Variants in PRKN observed in about 807,000 individuals in gnomAD.
PRKN encodes the protein parkin RBR E3 ubiquitin protein ligase, also known as E3 ubiquitin-protein ligase parkin.
A neutral mutation model predicts 59.5 loss-of-function variants in PRKN; 56 were observed. The observed-to-expected ratio is 0.94, with a 90% CI of 0.76 to 1.18. PRKN has a LOEUF of 1.18. PRKN is among the 50% of genes most tolerant of loss of function. PRKN has a pLI of 0.00. For missense variants in PRKN, 657 were observed against 596.4 expected (o/e 1.10, Z -1.06); for synonymous variants, 250 against 222.1 (o/e 1.13, Z -1.12).
At chr6:162,594,007 T>C (rs1339267359) in intron 1 of PRKN, among the ~76,000 whole-genome samples, 1 of 151,988 alleles carries the variant, frequency 6.6e-6, no homozygotes, top group Non-Finnish European at 1.5e-5. Flanking sequence ...AAAATTAGCC[T>C]AGCGTGGTGG....
chr6:162,413,364 T>A (rs1257975155), intron 2 of PRKN, among the ~76,000 whole-genome samples: 3 of 152,188 alleles, frequency 2.0e-5, no homozygotes, highest in Non-Finnish European at 2.9e-5. Context: ...TCTACATATT[T>A]GCGTTGTGTA....
At chr6:162,290,455 T>C (rs922450673) in intron 2 of PRKN, among the ~76,000 whole-genome samples, 1 of 152,310 alleles carries the variant, frequency 6.6e-6, no homozygotes, top group African/African-American at 2.4e-5. Flanking sequence ...TTCTTTGATT[T>C]AAAACATCAT....
intron 1 of PRKN, among the ~76,000 whole-genome samples, chr6:162,545,022 C>T (rs1450826118): frequency 6.6e-6 from 1 of 150,542 alleles, no homozygotes; most frequent in Non-Finnish European, 1.5e-5. Context: ...CATGGTGGCT[C>T]ACACCTGTAA....
chr6:162,611,930 A>G (rs1562434534), intron 1 of PRKN, among the ~76,000 whole-genome samples: 1 of 152,138 alleles, frequency 6.6e-6, no homozygotes, highest in Non-Finnish European at 1.5e-5. Flanking sequence ...TCACGCCTGT[A>G]ATCCCAGCAC....
rs1778689294 is a variant in PRKN at position 161,518,240 on chromosome 6, C to T, written c.1083+30614G>A. ...TGCATGAGAGGGGGACTGCCCCCAC[C>T]CTGCATATCTGCTGGCGCTGAAATT... On this transcript the variant is annotated intron_variant, in intron 9 of 11. Transcript: ENST00000366898. This position sits in a 1 kb window ranked among gnomAD's most constrained non-coding sequence, Gnocchi z 5.0. Among the ~76,000 whole-genome samples, 2 of 152,236 alleles carry T rather than the reference C, an allele frequency of 1.3e-5. No individual in the cohort carries two copies. Among genetic ancestry groups the T allele is most frequent in the Admixed American group, 6.5e-5 (1 of 15,286 alleles).
chr6:161,394,500 C>T (rs1414727150), intron 9 of PRKN, among the ~76,000 whole-genome samples: 1 of 152,186 alleles, frequency 6.6e-6, no homozygotes, highest in African/African-American at 2.4e-5. Flanking sequence ...TTGAACAGGT[C>T]CTTACTTTCT....
chr6:161,589,238 G>T (rs1276429606), intron 7 of PRKN, among the ~76,000 whole-genome samples: 1 of 152,212 alleles, frequency 6.6e-6, no homozygotes, highest in Non-Finnish European at 1.5e-5. Flanking sequence ...TGCTGAGAGC[G>T]CCTGTGCTTC....
chr6:161,637,906 G>A (rs1314480825), intron 7 of PRKN, among the ~76,000 whole-genome samples: 1 of 152,216 alleles, frequency 6.6e-6, no homozygotes, highest in African/African-American at 2.4e-5. Context: ...TGTGACTGGG[G>A]CAAAGGTCTT....
intron 5 of PRKN, among the ~76,000 whole-genome samples, chr6:162,016,523 G>A (rs1177766917): frequency 1.3e-5 from 2 of 152,106 alleles, no homozygotes; most frequent in Admixed American, 6.6e-5. Flanking sequence ...GGAGGGAGAA[G>A]GTTCTTATGA....
At chr6:161,954,132 CCAG>C (rs1332800137) in intron 6 of PRKN, among the ~76,000 whole-genome samples, 1 of 152,180 alleles carries the variant, frequency 6.6e-6, no homozygotes, top group African/African-American at 2.4e-5. Flanking sequence ...GGTAAGGCTT[CCAG>C]CAGATGCGAC....
At chr6:162,556,262 T>C (rs1779565246) in intron 1 of PRKN, among the ~76,000 whole-genome samples, 1 of 151,840 alleles carries the variant, frequency 6.6e-6, no homozygotes, top group African/African-American at 2.4e-5. Flanking sequence ...GCGAAATGTT[T>C]TGGAAACCCA....
At chr6:161,873,791 G>C (rs55901057) in intron 6 of PRKN, among the ~76,000 whole-genome samples, 1 of 148,606 alleles carries the variant, frequency 6.7e-6, no homozygotes, top group African/African-American at 2.5e-5. Flanking sequence ...TTTCCTCTAA[G>C]CTTTCAAAAT....
chr6:161,829,789 C>T (rs952674161), intron 6 of PRKN, among the ~76,000 whole-genome samples: 7 of 146,622 alleles, frequency 4.8e-5, no homozygotes, highest in African/African-American at 1.3e-4. Flanking sequence ...ACCAGAGCTT[C>T]GGGAACCTGT....
At chr6:162,208,022 T>C (rs1246570767) in intron 3 of PRKN, among the ~76,000 whole-genome samples, 1 of 152,142 alleles carries the variant, frequency 6.6e-6, no homozygotes, top group East Asian at 1.9e-4. Flanking sequence ...ATCAGTAAAA[T>C]TAAACATTAG....
rs1464865829 is a variant in PRKN at position 161,395,757 on chromosome 6, G to C, written c.1084-8880C>G. 6.6e-6 allele frequency among the ~76,000 whole-genome samples: 1 copy of C among 152,208 alleles called. No homozygotes were observed. The highest frequency in any genetic ancestry group is 1.5e-5 in the Non-Finnish European group (1 of 68,038). ...ATTACTCTGACCACGTTTAAGTCTT[G>C]TCTACACAGCCAAAGCTGGGTCAGG... is the stretch of plus-strand genomic sequence containing the variant. On this transcript the variant is annotated intron_variant, in intron 9 of 11. Transcript: ENST00000366898. This position sits in a 1 kb window ranked among gnomAD's most constrained non-coding sequence, Gnocchi z 5.0.
chr6:162,603,743 G>C (rs1184579249), intron 1 of PRKN, among the ~76,000 whole-genome samples: 1 of 152,086 alleles, frequency 6.6e-6, no homozygotes, highest in Non-Finnish European at 1.5e-5. Context: ...TAAAATTCAT[G>C]AGCTGCTTGA....
At chr6:161,953,881 G>A (rs1046705354) in intron 6 of PRKN, among the ~76,000 whole-genome samples, 22 of 152,104 alleles carry the variant, frequency 1.4e-4, no homozygotes, top group Non-Finnish European at 2.6e-4. Context: ...AGAATGGGGC[G>A]CACCTAGGAA....
rs1562465478 is a variant in PRKN, at chr6:162,021,146, AT to A, written c.618+32944del. Reference sequence around the variant, plus strand: ...TATATATATATATATATATATATATATATATATATATATATATATAAAATAT... The same window carrying A: ...TATATATATATATATATATATATATAATATATATATATATATATAAAATAT... On this transcript the variant is annotated intron_variant, in intron 5 of 11. Transcript: ENST00000366898. Among the ~76,000 whole-genome samples the A allele has an allele frequency of 6.1e-3, 87 of 14,242 alleles. 13 individuals carry two copies. Among genetic ancestry groups the A allele is most frequent in the Admixed American group, 0.022 (22 of 986 alleles). 9.3% of individuals were successfully genotyped at this position (14,242 alleles called of 152,430 possible).
At chr6:162,205,815 TAGTG>T (rs1461144475) in intron 3 of PRKN, among the ~76,000 whole-genome samples, 1 of 152,110 alleles carries the variant, frequency 6.6e-6, no homozygotes, top group Non-Finnish European at 1.5e-5. Context: ...ACTTGAAACT[TAGTG>T]AGGAATTACT....
Sources: gnomAD v4.1 joint callset for allele counts (sites outside exome capture counted in the v4.1 genomes callset) on GRCh38, gnomAD v4.1.1 for gene constraint, Gnocchi (gnomAD v3.1) non-coding constraint, MANE v1.5 for transcripts, NCBI Gene and HGNC (gene_info 2026-07-23, HGNC 2026-07-21) for gene names.